Variants in NRXN3 observed in about 807,000 individuals in gnomAD.
NRXN3 encodes the protein neurexin III.
In NRXN3, 32 loss-of-function variants were observed where a neutral mutation model predicts 137.6. That is an observed-to-expected ratio of 0.23 (90% CI 0.18 to 0.31). The LOEUF (loss-of-function observed/expected upper bound fraction) is 0.31. Among genes scored for constraint, NRXN3 ranks in the 10% least tolerant of loss-of-function variants. NRXN3 has a pLI of 1.00. For synonymous variants in NRXN3, 798 were observed against 784.5 expected (o/e 1.02, Z -0.29); for missense variants, 1,574 against 2,062.5 (o/e 0.76, Z 4.59).
chr14:79,825,643 C>G (rs2099295139), intron 20 of NRXN3, among the ~76,000 whole-genome samples: 1 of 152,090 alleles, frequency 6.6e-6, no homozygotes, highest in Non-Finnish European at 1.5e-5. Context: ...CCAACACATC[C>G]CAAAGTGTGT....
At chr14:79,464,415 A>G (rs533952098) in intron 15 of NRXN3, among the ~76,000 whole-genome samples, 1 of 152,206 alleles carries the variant, frequency 6.6e-6, no homozygotes, top group Non-Finnish European at 1.5e-5. Context: ...TTTTTTGTTT[A>G]TTTAAAGATT....
intron 15 of NRXN3, among the ~76,000 whole-genome samples, chr14:79,076,056 G>A (rs2045918482): frequency 6.6e-6 from 1 of 152,116 alleles, no homozygotes; most frequent in Admixed American, 6.6e-5. Context: ...GCAACTTTGT[G>A]GTAAAAACCA....
At chr14:79,046,829 A>AT (rs2099633838) in intron 15 of NRXN3, among the ~76,000 whole-genome samples, 3 of 152,228 alleles carry the variant, frequency 2.0e-5, no homozygotes, top group African/African-American at 7.2e-5. Flanking sequence ...ATATCATTCT[A>AT]CTTTGAACCA....
At chr14:79,154,642 T>G (rs1223014664) in intron 15 of NRXN3, among the ~76,000 whole-genome samples, 1 of 151,840 alleles carries the variant, frequency 6.6e-6, no homozygotes, top group Non-Finnish European at 1.5e-5. Context: ...CTCTCTAGAC[T>G]GCAGTTTTCT....
intron 8 of NRXN3, among the ~76,000 whole-genome samples, chr14:78,733,073 T>C (rs980939202): frequency 2.6e-5 from 4 of 152,158 alleles, no homozygotes; most frequent in African/African-American, 9.7e-5. Flanking sequence ...GGGTCCTGGT[T>C]CTCTGCTGAT....
At chr14:79,202,618 G>T (rs1375018027) in intron 15 of NRXN3, among the ~76,000 whole-genome samples, 1 of 152,082 alleles carries the variant, frequency 6.6e-6, no homozygotes, top group Non-Finnish European at 1.5e-5. Context: ...ACATATCAGT[G>T]AGAACATACG....
chr14:78,203,156 C>T (rs879560683), intron 1 of NRXN3, among the ~76,000 whole-genome samples: 1 of 152,188 alleles, frequency 6.6e-6, no homozygotes, highest in Non-Finnish European at 1.5e-5. Flanking sequence ...GGAATGTGCC[C>T]TGGGGGCCTG....
intron 4 of NRXN3, among the ~76,000 whole-genome samples, chr14:78,319,500 A>T (rs529450037): frequency 6.6e-6 from 1 of 152,182 alleles, no homozygotes; most frequent in Non-Finnish European, 1.5e-5. Flanking sequence ...TACATGATTC[A>T]CAGACTGCCC....
At chr14:78,530,388 A>G (rs368931330) in intron 4 of NRXN3, among the ~76,000 whole-genome samples, 2 of 152,166 alleles carry the variant, frequency 1.3e-5, no homozygotes, top group East Asian at 1.9e-4. Context: ...ATTTACTTAG[A>G]CCCTTTTTAT....
intron 15 of NRXN3, among the ~76,000 whole-genome samples, chr14:79,046,741 A>C (rs1159084219): frequency 6.6e-6 from 1 of 152,236 alleles, no homozygotes; most frequent in Non-Finnish European, 1.5e-5. Flanking sequence ...TATGTACTAA[A>C]GAGGGTATTT....
intron 4 of NRXN3, among the ~76,000 whole-genome samples, chr14:78,641,895 G>A (rs1439531096): frequency 6.6e-6 from 1 of 152,160 alleles, no homozygotes; most frequent in Non-Finnish European, 1.5e-5. Flanking sequence ...ATTTATTTAT[G>A]GTGATATTCT....
Position 79,820,254 on chromosome 14 carries a change from C to T in NRXN3, c.4093+15064C>T, listed in dbSNP as rs138640131. On this transcript the variant is annotated intron_variant, in intron 20 of 20. Transcript: ENST00000335750. ...AATGAGGAGGACACAATGGAGTGGG[C>T]ACCATATCTAGGACTCCTGCCTGCA... Among the ~76,000 whole-genome samples the T allele has an allele frequency of 3.3e-5, 5 of 152,238 alleles. No homozygotes were observed. In the East Asian group the frequency reaches 9.7e-4, roughly 29 times the overall value.
At chr14:79,688,964 G>A (rs2098705816) in intron 17 of NRXN3, among the ~76,000 whole-genome samples, 1 of 152,016 alleles carries the variant, frequency 6.6e-6, no homozygotes. Context: ...ATAGGTGTCG[G>A]ATCCACAGAA....
intron 4 of NRXN3, among the ~76,000 whole-genome samples, chr14:78,427,835 C>T (rs976542581): frequency 3.9e-5 from 6 of 152,204 alleles, no homozygotes; most frequent in Non-Finnish European, 8.8e-5. Context: ...CCTTTTCCCA[C>T]CTCTACCCAT....
chr14:78,441,263 T>C (rs1454643172), intron 4 of NRXN3, among the ~76,000 whole-genome samples: 1 of 152,214 alleles, frequency 6.6e-6, no homozygotes, highest in Non-Finnish European at 1.5e-5. Flanking sequence ...AGATATATTC[T>C]TGATCTCATC....
chr14:79,661,424 T>G (rs1267883606), intron 16 of NRXN3, among the ~76,000 whole-genome samples: 1 of 152,176 alleles, frequency 6.6e-6, no homozygotes, highest in Non-Finnish European at 1.5e-5. Flanking sequence ...TCAAGACTTC[T>G]GCATGACTTG....
intron 16 of NRXN3, among the ~76,000 whole-genome samples, chr14:79,658,088 G>A (rs1204222215): frequency 6.6e-6 from 1 of 152,132 alleles, no homozygotes; most frequent in Non-Finnish European, 1.5e-5. Flanking sequence ...TATGTAATAT[G>A]TAACACATGT....
intron 19 of NRXN3, among the ~76,000 whole-genome samples, chr14:79,769,592 C>T (rs1358098141): frequency 6.6e-6 from 1 of 151,936 alleles, no homozygotes; most frequent in Non-Finnish European, 1.5e-5. Context: ...TTGTCACCAC[C>T]AGGCCTGCCC....
intron 15 of NRXN3, among the ~76,000 whole-genome samples, chr14:79,383,593 C>T (rs2094528615): frequency 6.6e-6 from 1 of 152,114 alleles, no homozygotes; most frequent in Non-Finnish European, 1.5e-5. Context: ...TGCGAATTCA[C>T]AATACTCACT....
Sources: gnomAD v4.1 joint callset for allele counts (sites outside exome capture counted in the v4.1 genomes callset) on GRCh38, gnomAD v4.1.1 for gene constraint, MANE v1.5 for transcripts, NCBI Gene and HGNC (gene_info 2026-07-23, HGNC 2026-07-21) for gene names.